The following COL4A4 variants were observed in gnomAD, a reference collection of about 807,000 sequenced individuals.
COL4A4 encodes the protein collagen alpha-4(IV) chain.
A neutral mutation model predicts 192.9 loss-of-function variants in COL4A4; 105 were observed. The ratio of observed to expected loss-of-function variants is 0.54; its 90% confidence interval spans 0.46 to 0.64. COL4A4 has a LOEUF of 0.64. Ranked by LOEUF, COL4A4 falls within the 30% of genes least tolerant of loss-of-function variation. COL4A4 has a pLI of 0.00. For missense variants in COL4A4, 1,967 were observed against 2,169.3 expected (o/e 0.91, Z 1.85); for synonymous variants, 762 against 769.9 (o/e 0.99, Z 0.17).
rs1246194968 is a variant in COL4A4, at chr2:227,118,751, C to T, written c.383G>A (p.Gly128Glu). The T allele has an allele frequency of 6.2e-7, 1 of 1,612,352 alleles. No individual in the cohort carries two copies. The highest frequency in any genetic ancestry group is 8.5e-7 in the Non-Finnish European group (1 of 1,179,122). The change falls in exon 7 of 48, where the codon GGG becomes GAG. Residue 128 changes from glycine to glutamate, a missense_variant. By Grantham distance (98) the Gly-to-Glu change is moderately conservative. Coordinates refer to ENST00000396625, the MANE Select transcript of COL4A4 (RefSeq NM_000092.5). ...AGGTTTGCCTCTGGGTCCAGGAGGCCCTGGGTGCCCCTGCAGAAAACAAAA... is the reference window on the plus strand; with the variant it reads ...AGGTTTGCCTCTGGGTCCAGGAGGCTCTGGGTGCCCCTGCAGAAAACAAAA... ...PGLDGIPGHP[G>E]PPGPRGKPGM...
chr2:227,050,947 C>A (rs561883089), intron 33 of COL4A4, 30 bp downstream of exon 33: 1 of 1,613,914 alleles, frequency 6.2e-7, no homozygotes, highest in East Asian at 2.2e-5. Flanking sequence ...GTTTTATTGT[C>A]TCTTCCCCCA....
chr2:227,096,055 C>T (rs559371058), intron 19 of COL4A4, among the ~76,000 whole-genome samples: 17 of 152,186 alleles, frequency 1.1e-4, no homozygotes, highest in Non-Finnish European at 2.2e-4. Flanking sequence ...CCTACATCCT[C>T]TTGTTGAACT....
chr2:226,984,318 C>A, the COL4A4 span, among the ~76,000 whole-genome samples: 2 of 152,322 alleles, frequency 1.3e-5, no homozygotes, highest in South Asian at 4.1e-4. Flanking sequence ...GCTAGAAGTT[C>A]CAGGTACTAA....
intron 2 of COL4A4, among the ~76,000 whole-genome samples, chr2:227,145,986 C>T (rs2063522618): frequency 6.6e-6 from 1 of 152,322 alleles, no homozygotes; most frequent in African/African-American, 2.4e-5. Context: ...ACAACTCTTG[C>T]TTGTTAAATG....
At chr2:227,068,617 C>T (rs1200503944) in intron 25 of COL4A4, among the ~76,000 whole-genome samples, 1 of 152,050 alleles carries the variant, frequency 6.6e-6, no homozygotes, top group South Asian at 2.1e-4. Flanking sequence ...AGACAAAAAC[C>T]ACATGATTAT....
Position 227,044,217 on chromosome 2 carries a change from T to G in COL4A4, c.3290-1033A>C, listed in dbSNP as rs78187707. On this transcript the variant is annotated intron_variant, in intron 35 of 47. Transcript: ENST00000396625. ...GTTCTTACTGAGGACATTTTAGTTT[T>G]TTGGCCTCTTTTCTTGCTAATTTAT... Among the ~76,000 whole-genome samples, 894 of 152,334 alleles carry G rather than the reference T, an allele frequency of 5.9e-3. 10 individuals are homozygous for G. Among genetic ancestry groups the G allele is most frequent in the African/African-American group, 0.02 (842 of 41,570 alleles).
At chr2:227,084,557 T>C (rs2059485566) in intron 22 of COL4A4, among the ~76,000 whole-genome samples, 1 of 152,104 alleles carries the variant, frequency 6.6e-6, no homozygotes, top group Non-Finnish European at 1.5e-5. Flanking sequence ...AAACATTTAC[T>C]GAAAACATTA....
intron 1 of COL4A4, among the ~76,000 whole-genome samples, chr2:227,155,694 A>C (rs1576930831): frequency 6.6e-6 from 1 of 152,266 alleles, no homozygotes; most frequent in East Asian, 1.9e-4. Context: ...ATGTGAGGCT[A>C]GCATTTGCCT....
chr2:227,044,270 T>TGGG (rs1239932995), intron 35 of COL4A4, among the ~76,000 whole-genome samples: 4 of 152,242 alleles, frequency 2.6e-5, no homozygotes, highest in African/African-American at 9.6e-5. Context: ...TTCAGACACT[T>TGGG]GAAATTACAT....
Position 227,052,286 on chromosome 2 carries a change from A to G in COL4A4, c.2968+19T>C, listed in dbSNP as rs1974287132. ...AATGTCAACTTATTTGATATGGTTAAAAACTCTTAAGTGTTTACCTCTTTC... is the reference window on the plus strand; with the variant it reads ...AATGTCAACTTATTTGATATGGTTAGAAACTCTTAAGTGTTTACCTCTTTC... On this transcript the variant is annotated intron_variant, in intron 32 of 47. Transcript: ENST00000396625. 7.2e-7 allele frequency: 1 copy of G among 1,397,474 alleles called. No individual in the cohort carries two copies. The highest frequency in any genetic ancestry group is 1.4e-5 in the African/African-American group (1 of 70,476). 86.6% of individuals were successfully genotyped at this position (1,397,474 alleles called of 1,614,324 possible). A position where few individuals can be genotyped will look rare whatever the true frequency, so the allele number is the denominator to read the frequency against.
chr2:227,116,955 G>T (rs536162755), intron 7 of COL4A4, among the ~76,000 whole-genome samples: 2 of 152,242 alleles, frequency 1.3e-5, no homozygotes, highest in East Asian at 3.9e-4. Context: ...TTTTTACAAA[G>T]AAATAAAACA....
At chr2:227,157,151 G>C (rs1325611040) in intron 1 of COL4A4, among the ~76,000 whole-genome samples, 3 of 152,048 alleles carry the variant, frequency 2.0e-5, no homozygotes, top group East Asian at 3.8e-4. Context: ...GAATTCAATG[G>C]TAAGCCATCT....
chr2:227,014,892 C>CTTTTTTTTTTTTTTTTTT (rs1179125792), intron 44 of COL4A4, among the ~76,000 whole-genome samples: 16 of 106,590 alleles, frequency 1.5e-4, no homozygotes, highest in African/African-American at 6.1e-4. Flanking sequence ...CCATGCCTGG[C>CTTTTTTTTTTTTTTTTTT]TTTTTTTTTT....
rs1559488359 is a variant in COL4A4 at position 227,045,862 on chromosome 2, ACAC to A, written c.3289+1610_3289+1612del. On this transcript the variant is annotated intron_variant, in intron 35 of 47. Coordinates refer to ENST00000396625, the MANE Select transcript of COL4A4 (RefSeq NM_000092.5). ...CATATATATATACACATATATATAT[ACAC>A]ATATATATACATATATATGTATATA... Among the ~76,000 whole-genome samples the A allele has an allele frequency of 7.3e-3, 644 of 88,532 alleles. 40 individuals are homozygous for A. The highest frequency in any genetic ancestry group is 0.012 in the South Asian group (29 of 2,350). The allele number at this position is 88,532 out of a possible 152,430, so 58.1% of individuals were successfully genotyped here. A position where few individuals can be genotyped will look rare whatever the true frequency, so the allele number is the denominator to read the frequency against.
intron 12 of COL4A4, among the ~76,000 whole-genome samples, chr2:227,107,854 T>C (rs1223831444): frequency 7.4e-5 from 11 of 149,658 alleles, no homozygotes; most frequent in African/African-American, 2.5e-4. Context: ...ACCTCCCAGG[T>C]TCAAGCAATT....
At chr2:226,973,429 G>C in the COL4A4 span, among the ~76,000 whole-genome samples, 1 of 152,202 alleles carries the variant, frequency 6.6e-6, no homozygotes, top group African/African-American at 2.4e-5. Flanking sequence ...GTGTTTGCCT[G>C]TTCCTTTTTC....
intron 22 of COL4A4, among the ~76,000 whole-genome samples, chr2:227,086,134 ATCCTAG>A (rs1050145033): frequency 1.8e-4 from 27 of 152,286 alleles, no homozygotes; most frequent in African/African-American, 6.0e-4. Context: ...CGGAAATCCC[ATCCTAG>A]GGAGCGCCGT....
chr2:227,060,114 A>C lies in COL4A4; in HGVS notation c.2164+22T>G, dbSNP rs777416916. The C allele has an allele frequency of 3.3e-5, 42 of 1,289,544 alleles. 1 individual carries two copies. Among genetic ancestry groups the C allele is most frequent in the Middle Eastern group, 4.5e-4 (2 of 4,484 alleles). The allele number at this position is 1,289,544 out of a possible 1,614,324, so 79.9% of individuals were successfully genotyped here. A position where few individuals can be genotyped will look rare whatever the true frequency, so the allele number is the denominator to read the frequency against. ...ATTCCCAAAGCAGAAAAAAAAAAAA[A>C]AAAAAAAAAAACCTCACTGACCAGG... On this transcript the variant is annotated intron_variant, in intron 27 of 47. Transcript: ENST00000396625.
chr2:227,057,250 C>T (rs1323950727), intron 29 of COL4A4, among the ~76,000 whole-genome samples, 189 bp downstream of exon 29: 1 of 152,198 alleles, frequency 6.6e-6, no homozygotes, highest in East Asian at 1.9e-4. Flanking sequence ...TAGCCCACTA[C>T]ATTGCCCCAT....
Sources: allele counts gnomAD v4.1 joint callset (sites outside exome capture counted in the v4.1 genomes callset), GRCh38; gene constraint gnomAD v4.1.1; transcripts MANE v1.5; gene names NCBI Gene and HGNC (gene_info 2026-07-23, HGNC 2026-07-21).